The following PARP8 variants were observed in gnomAD, a reference collection of about 807,000 sequenced individuals.
The protein encoded by PARP8 is poly(ADP-ribose) polymerase family member 8, also known as protein mono-ADP-ribosyltransferase PARP8.
Under a neutral mutation model 124.1 loss-of-function variants are expected in PARP8, and 51 were observed. That is an observed-to-expected ratio of 0.41 (90% CI 0.33 to 0.52). The LOEUF (loss-of-function observed/expected upper bound fraction) is 0.52. Among genes scored for constraint, PARP8 ranks in the 20% least tolerant of loss-of-function variants. The pLI is 0.21. For missense variants in PARP8, 860 were observed against 1,018.9 expected (o/e 0.84, Z 2.12); for synonymous variants, 391 against 361.5 (o/e 1.08, Z -0.93).
intron 2 of PARP8, among the ~76,000 whole-genome samples, chr5:50,698,587 C>A (rs1410855459): frequency 2.6e-5 from 4 of 152,036 alleles, no homozygotes; most frequent in Non-Finnish European, 5.9e-5. Context: ...AATTTTTTCC[C>A]CCCAAAGCAC....
chr5:50,764,257 C>G lies in PARP8; in HGVS notation c.518+1015C>G, dbSNP rs182415445. ...TGGTTGGGCAGTGCTTTTTCTTGTTCGTTTTGTTTTGGTTTGGTTTTTAAT... is the reference window on the plus strand; with the variant it reads ...TGGTTGGGCAGTGCTTTTTCTTGTTGGTTTTGTTTTGGTTTGGTTTTTAAT... On this transcript the variant is annotated intron_variant, in intron 7 of 25. Coordinates refer to ENST00000281631, the MANE Select transcript of PARP8 (RefSeq NM_024615.4). Among the ~76,000 whole-genome samples, 442 of 152,218 alleles carry G rather than the reference C, an allele frequency of 2.9e-3. 2 individuals are homozygous for G. Among genetic ancestry groups the G allele is most frequent in the African/African-American group, 0.01 (428 of 41,540 alleles).
chr5:50,778,533 A>G, intron 8 of PARP8, 27 bp from the exon 9 acceptor site: 1 of 1,544,078 alleles, frequency 6.5e-7, no homozygotes, highest in Non-Finnish European at 8.8e-7. Context: ...AAGATGATTA[A>G]TTCATCTTTT....
chr5:50,677,862 C>T (rs559535775), intron 2 of PARP8, among the ~76,000 whole-genome samples: 3 of 151,150 alleles, frequency 2.0e-5, no homozygotes, highest in African/African-American at 7.3e-5. Context: ...TGCTACATTT[C>T]AAAGGTATCT....
Position 50,672,740 on chromosome 5 carries a change from G to C in PARP8, c.146+4615G>C, listed in dbSNP as rs1750176893. On this transcript the variant is annotated intron_variant, in intron 2 of 25. Coordinates refer to ENST00000281631, the MANE Select transcript of PARP8 (RefSeq NM_024615.4). ...GGGCCCTAATCCACCTGGGCCCGCA[G>C]TGTGTAATTCCATAACTCATGGGAT... 2.0e-5 allele frequency among the ~76,000 whole-genome samples: 3 copies of C among 152,278 alleles called. No homozygotes were observed. In the South Asian group the frequency reaches 6.2e-4, roughly 32 times the overall value.
In PARP8 at chr5:50,668,127, T is replaced by C. The variant is rs535499018; in HGVS notation, c.146+2T>C. Reference sequence around the variant, plus strand: ...TACCTACGTTGGCGGCCCCAGAAGGTATTTATGTGTATAGAGTTGCTTCAT... The same window carrying C: ...TACCTACGTTGGCGGCCCCAGAAGGCATTTATGTGTATAGAGTTGCTTCAT... On this transcript the variant is annotated splice_donor_variant, in intron 2 of 25. Transcript: ENST00000281631. LOFTEE classifies it high-confidence loss of function. 6.3e-7 allele frequency: 1 copy of C among 1,599,844 alleles called. No homozygotes were observed. Among genetic ancestry groups the C allele is most frequent in the East Asian group, 2.2e-5 (1 of 44,794 alleles).
intron 10 of PARP8, among the ~76,000 whole-genome samples, chr5:50,791,291 C>T (rs1741925858): frequency 6.6e-6 from 1 of 152,142 alleles, no homozygotes. Context: ...GACATTTAAT[C>T]TTTACAACAA....
At chr5:50,712,456 T>G (rs1017760512) in intron 2 of PARP8, among the ~76,000 whole-genome samples, 2 of 152,130 alleles carry the variant, frequency 1.3e-5, no homozygotes, top group African/African-American at 4.8e-5. Flanking sequence ...TCATATTGTT[T>G]TTGTGTTAAT....
chr5:50,804,773 A>G (rs138251401), intron 14 of PARP8, among the ~76,000 whole-genome samples: 7 of 152,328 alleles, frequency 4.6e-5, no homozygotes, highest in Non-Finnish European at 1.0e-4. Flanking sequence ...GATTCTAATG[A>G]TTCAGACGAT....
intron 7 of PARP8, 41 bp from the exon 8 acceptor site, chr5:50,778,028 A>G (rs758207644): frequency 1.4e-6 from 2 of 1,447,152 alleles, no homozygotes. Context: ...TCTTTTAAGC[A>G]TCATTAAAAT....
At chr5:50,746,396 A>G (rs192659365) in intron 2 of PARP8, among the ~76,000 whole-genome samples, 32 of 152,362 alleles carry the variant, frequency 2.1e-4, no homozygotes, top group Admixed American at 3.3e-4. Flanking sequence ...AAAGTAACAT[A>G]GAACTATACT....
At chr5:50,733,079 A>G (rs1391476264) in intron 2 of PARP8, among the ~76,000 whole-genome samples, 7 of 151,866 alleles carry the variant, frequency 4.6e-5, no homozygotes, top group African/African-American at 1.7e-4. Context: ...AAGCGGGTGG[A>G]TTGCCTGAGG....
chr5:50,682,193 G>C (rs1013736332), intron 2 of PARP8, among the ~76,000 whole-genome samples: 4 of 152,082 alleles, frequency 2.6e-5, no homozygotes, highest in Non-Finnish European at 5.9e-5. Flanking sequence ...TTGGAAACTT[G>C]TTTTCCCAAG....
chr5:50,832,228 A>T (rs1201979908), intron 22 of PARP8, among the ~76,000 whole-genome samples: 1 of 152,214 alleles, frequency 6.6e-6, no homozygotes, highest in African/African-American at 2.4e-5. Flanking sequence ...TCTAAAACAG[A>T]TGTGTATTTT....
chr5:50,694,686 T>C (rs1179837933), intron 2 of PARP8, among the ~76,000 whole-genome samples: 1 of 152,138 alleles, frequency 6.6e-6, no homozygotes, highest in African/African-American at 2.4e-5. Flanking sequence ...CTAATAGATG[T>C]ATATATGAAG....
At chr5:50,783,221 A>C (rs1380509740) in intron 9 of PARP8, among the ~76,000 whole-genome samples, 4 of 152,070 alleles carry the variant, frequency 2.6e-5, no homozygotes, top group Non-Finnish European at 5.9e-5. Flanking sequence ...ATGGGGTAGA[A>C]GGGAGGAGAG....
chr5:50,705,997 C>T (rs1322627164), intron 2 of PARP8, among the ~76,000 whole-genome samples: 9 of 152,256 alleles, frequency 5.9e-5, no homozygotes, highest in South Asian at 4.1e-4. Context: ...GTGCTAGACT[C>T]TCTTGAGGGT....
At chr5:50,747,834 G>GCGAT (rs1173081807) in intron 2 of PARP8, among the ~76,000 whole-genome samples, 2 of 140,302 alleles carry the variant, frequency 1.4e-5, no homozygotes, top group East Asian at 4.3e-4. Context: ...GTGCAGTGGC[G>GCGAT]CGATCTCGGC....
intron 2 of PARP8, among the ~76,000 whole-genome samples, chr5:50,719,362 T>C (rs13181031): frequency 0.067 from 10,219 of 152,158 alleles, 384 homozygotes; most frequent in Middle Eastern, 0.11. Context: ...TTGCTTTGGT[T>C]ACCTATGCTT....
chr5:50,738,224 G>A (rs1304504794), intron 2 of PARP8, among the ~76,000 whole-genome samples: 3 of 152,170 alleles, frequency 2.0e-5, no homozygotes, highest in African/African-American at 7.2e-5. Context: ...GCCTGAAATA[G>A]CATGTAACCA....
Sources: allele counts gnomAD v4.1 joint callset (sites outside exome capture counted in the v4.1 genomes callset), GRCh38; gene constraint gnomAD v4.1.1; transcripts MANE v1.5; gene names NCBI Gene and HGNC (gene_info 2026-07-23, HGNC 2026-07-21).